The following NKAIN3 variants were observed in gnomAD, a reference collection of about 807,000 sequenced individuals.
NKAIN3 encodes the protein sodium/potassium-transporting ATPase subunit beta-1-interacting protein 3.
In NKAIN3, 25 loss-of-function variants were observed where a neutral mutation model predicts 30.2. The ratio of observed to expected loss-of-function variants is 0.83; its 90% CI spans 0.60 to 1.16. The LOEUF (loss-of-function observed/expected upper bound fraction) is 1.16. Ranked by LOEUF, NKAIN3 falls within the 50% of genes most tolerant of loss-of-function variation. NKAIN3 has a pLI of 0.00. For synonymous variants in NKAIN3, 91 were observed against 89.6 expected (o/e 1.02, Z -0.09); for missense variants, 225 against 254.1 (o/e 0.89, Z 0.78).
At chr8:62,867,778 T>C (rs1420040072) in intron 4 of NKAIN3, among the ~76,000 whole-genome samples, 6 of 152,228 alleles carry the variant, frequency 3.9e-5, no homozygotes, top group Admixed American at 3.9e-4. Flanking sequence ...ATGACATATT[T>C]TTCATAACTA....
intron 3 of NKAIN3, among the ~76,000 whole-genome samples, chr8:62,704,869 T>C (rs924434756): frequency 6.6e-6 from 1 of 152,326 alleles, no homozygotes; most frequent in Non-Finnish European, 1.5e-5. Flanking sequence ...ATGTAATAAC[T>C]AAATAATTGT....
chr8:62,869,352 T>C (rs1820520535), intron 4 of NKAIN3, among the ~76,000 whole-genome samples: 1 of 150,836 alleles, frequency 6.6e-6, no homozygotes, highest in South Asian at 2.1e-4. Context: ...CATGCGCAGG[T>C]GTGTGATGTT....
chr8:62,996,831 G>T (rs993337262), intron 5 of NKAIN3, among the ~76,000 whole-genome samples: 4 of 152,174 alleles, frequency 2.6e-5, no homozygotes, highest in East Asian at 3.9e-4. Context: ...TCACACCCAC[G>T]GTACGCTGAT....
intron 3 of NKAIN3, among the ~76,000 whole-genome samples, chr8:62,696,733 T>C (rs549155163): frequency 1.3e-5 from 2 of 152,298 alleles, no homozygotes; most frequent in African/African-American, 4.8e-5. Context: ...GTGAGGAAGA[T>C]ATTTCTGAGA....
intron 3 of NKAIN3, among the ~76,000 whole-genome samples, chr8:62,654,185 T>G (rs548592756): frequency 6.6e-6 from 1 of 150,392 alleles, no homozygotes; most frequent in Non-Finnish European, 1.5e-5. Context: ...AAAACTACAA[T>G]TGAGTTCATA....
At chr8:62,656,289 A>T (rs1210420712) in intron 3 of NKAIN3, among the ~76,000 whole-genome samples, 5 of 152,192 alleles carry the variant, frequency 3.3e-5, no homozygotes, top group Non-Finnish European at 7.3e-5. Context: ...TTTATGCTTC[A>T]GAGTATTTTT....
intron 1 of NKAIN3, among the ~76,000 whole-genome samples, chr8:62,560,887 T>G (rs2129977585): frequency 6.6e-6 from 1 of 152,236 alleles, no homozygotes; most frequent in Non-Finnish European, 1.5e-5. Flanking sequence ...ACTGAGCTTT[T>G]AATTTCATTT....
At position 62,402,025 on chromosome 8, in the gene NKAIN3, C is replaced by T. The variant is rs571159448; in HGVS notation, c.54+152898C>T. 2.6e-4 allele frequency among the ~76,000 whole-genome samples: 39 copies of T among 152,324 alleles called. No individual in the cohort carries two copies. In the South Asian group the frequency reaches 8.1e-3, roughly 32 times the overall value. On this transcript the variant is annotated intron_variant, in intron 1 of 6. Transcript: ENST00000623646. The stretch of plus-strand genomic sequence containing the variant: ...CAGGGCTTCAAGTGTCCCCTGATCA[C>T]AGTTAGGTCCAGAGATGCTGTCTGG...
At chr8:62,567,738 T>G (rs1463751689) in intron 1 of NKAIN3, among the ~76,000 whole-genome samples, 1 of 152,034 alleles carries the variant, frequency 6.6e-6, no homozygotes, top group Non-Finnish European at 1.5e-5. Flanking sequence ...CCCTATGGCC[T>G]CCAGAAGGAA....
intron 3 of NKAIN3, among the ~76,000 whole-genome samples, chr8:62,666,733 T>G (rs1420146975): frequency 2.6e-5 from 4 of 152,154 alleles, no homozygotes; most frequent in Non-Finnish European, 5.9e-5. Context: ...AAGATAATTT[T>G]TATATTATGG....
At chr8:62,719,215 C>T (rs1815003979) in intron 3 of NKAIN3, among the ~76,000 whole-genome samples, 1 of 152,114 alleles carries the variant, frequency 6.6e-6, no homozygotes, top group Admixed American at 6.6e-5. Flanking sequence ...TATGGCCTGG[C>T]TCAGGACTGC....
chr8:62,497,314 A>G lies in NKAIN3; in HGVS notation c.55-82225A>G, dbSNP rs575059123. ...CATAGGATGTCTGTCTCAGTTGTAG[A>G]CTTGAAAATAGTAGTAGAAGATAGG... is the stretch of plus-strand genomic sequence containing the variant. On this transcript the variant is annotated intron_variant, in intron 1 of 6. Coordinates refer to ENST00000623646, the MANE Select transcript of NKAIN3 (RefSeq NM_001304533.3). Among the ~76,000 whole-genome samples the G allele has an allele frequency of 1.8e-4, 27 of 152,266 alleles. No individual in the cohort carries two copies. In the South Asian group the frequency reaches 5.2e-3, roughly 29 times the overall value.
chr8:62,908,982 A>T lies in NKAIN3; in HGVS notation c.472-9471A>T, dbSNP rs149584630. Among the ~76,000 whole-genome samples the T allele has an allele frequency of 7.6e-4, 115 of 152,236 alleles. No individual in the cohort carries two copies. In the East Asian group the frequency reaches 0.021, roughly 28 times the overall value. On this transcript the variant is annotated intron_variant, in intron 4 of 6. Coordinates refer to ENST00000623646, the MANE Select transcript of NKAIN3 (RefSeq NM_001304533.3). The stretch of plus-strand genomic sequence containing the variant: ...TTCAAGCCCAGCAATCCTCTCATTG[A>T]ATGCCTCTCTTCTCTGAGTTCCCTG...
chr8:62,834,995 T>C (rs1367425983), intron 4 of NKAIN3, among the ~76,000 whole-genome samples: 1 of 151,976 alleles, frequency 6.6e-6, no homozygotes, highest in Admixed American at 6.6e-5. Flanking sequence ...CCAATGGAAC[T>C]GAATAGAGAA....
intron 1 of NKAIN3, among the ~76,000 whole-genome samples, chr8:62,382,386 C>T (rs1336314928): frequency 6.6e-6 from 1 of 152,014 alleles, no homozygotes; most frequent in Non-Finnish European, 1.5e-5. Context: ...GTCTTGCTGT[C>T]TCAGAGGTGG....
intron 1 of NKAIN3, among the ~76,000 whole-genome samples, chr8:62,459,830 A>T (rs76360105): frequency 0.018 from 2,790 of 152,280 alleles, 30 homozygotes; most frequent in Middle Eastern, 0.044. Context: ...ATACAGTAAG[A>T]AATGAGTCCA....
chr8:62,463,949 A>C (rs1274694032), intron 1 of NKAIN3, among the ~76,000 whole-genome samples: 2 of 152,146 alleles, frequency 1.3e-5, no homozygotes, highest in Non-Finnish European at 2.9e-5. Context: ...TACAGAAAGA[A>C]AAACTGCAGA....
At chr8:62,728,611 G>A (rs1184735194) in intron 3 of NKAIN3, among the ~76,000 whole-genome samples, 1 of 152,076 alleles carries the variant, frequency 6.6e-6, no homozygotes, top group African/African-American at 2.4e-5. Context: ...GTTGCCTTGA[G>A]CGGAGATCGC....
chr8:62,434,249 A>G (rs577404724), intron 1 of NKAIN3, among the ~76,000 whole-genome samples: 34 of 152,322 alleles, frequency 2.2e-4, no homozygotes, highest in Middle Eastern at 6.8e-3. Context: ...GCTGAGTCAC[A>G]AAGTTGAGCA....
Sources: gnomAD v4.1 joint callset for allele counts (sites outside exome capture counted in the v4.1 genomes callset) on GRCh38, gnomAD v4.1.1 for gene constraint, MANE v1.5 for transcripts, NCBI Gene and HGNC (gene_info 2026-07-23, HGNC 2026-07-21) for gene names.